Variants in UMAD1 observed in about 807,000 individuals in gnomAD.
UMAD1 encodes UBAP1-MVB12-associated (UMA) domain containing 1, also known as UBAP1-MVB12-associated (UMA)-domain containing protein 1.
In UMAD1, 8 loss-of-function variants were observed where a neutral mutation model predicts 6.1. The observed-to-expected ratio is 1.30, with a 90% CI of 0.76 to 2.35. The LOEUF is 2.35. Among genes scored for constraint, UMAD1 ranks in the 30% most tolerant of loss-of-function variants. The probability of loss-of-function intolerance (pLI) is 0.00; values close to 1 mark genes in which losing one functional copy is unlikely to be tolerated. For missense variants in UMAD1, 130 were observed against 78.4 expected (o/e 1.66, Z -2.49); for synonymous variants, 56 against 31.4 (o/e 1.78, Z -2.61).
At chr7:7,778,943 A>C (rs1446472689) in intron 2 of UMAD1, among the ~76,000 whole-genome samples, 1 of 152,206 alleles carries the variant, frequency 6.6e-6, no homozygotes, top group Non-Finnish European at 1.5e-5. Flanking sequence ...TAGGCTAAGC[A>C]TTTTATATGG....
At chr7:7,822,244 CTG>C (rs1270848837) in intron 3 of UMAD1, among the ~76,000 whole-genome samples, 1 of 151,920 alleles carries the variant, frequency 6.6e-6, no homozygotes, top group Admixed American at 6.6e-5. Context: ...TGAAGTCACA[CTG>C]TATGAAAAAG....
At chr7:7,647,387 G>A (rs761935641) in intron 1 of UMAD1, among the ~76,000 whole-genome samples, 1 of 152,060 alleles carries the variant, frequency 6.6e-6, no homozygotes, top group East Asian at 1.9e-4. Context: ...ATTATGTGAG[G>A]CTTGCTTTAA....
Position 7,877,666 on chromosome 7 carries a change from A to G in UMAD1, c.*128A>G, listed in dbSNP as rs1784449210. ...AGGATCATAAAGCAAAGAAAATAGC[A>G]TTATGTTCACTACTCTATTTTTAAG... On this transcript the variant is annotated 3_prime_UTR_variant, in exon 4 of 4. Transcript: ENST00000682710. The G allele has an allele frequency of 1.6e-6, 1 of 610,032 alleles. No homozygotes were observed. The highest frequency in any genetic ancestry group is 2.0e-5 in the South Asian group (1 of 51,128). 37.8% of individuals were successfully genotyped at this position (610,032 alleles called of 1,614,324 possible).
chr7:7,675,079 G>A (rs1779705285), intron 2 of UMAD1, among the ~76,000 whole-genome samples: 1 of 152,042 alleles, frequency 6.6e-6, no homozygotes, highest in African/African-American at 2.4e-5. Flanking sequence ...TGCCCAGGTT[G>A]GTCTTGAACT....
chr7:7,719,643 T>G (rs1781004821), intron 2 of UMAD1, among the ~76,000 whole-genome samples: 1 of 98,700 alleles, frequency 1.0e-5, no homozygotes, highest in African/African-American at 4.2e-5. Flanking sequence ...AAAGTAGTAG[T>G]TTTTTTTTTC....
At chr7:7,726,723 G>A (rs1781144625) in intron 2 of UMAD1, among the ~76,000 whole-genome samples, 1 of 152,168 alleles carries the variant, frequency 6.6e-6, no homozygotes, top group Admixed American at 6.5e-5. Flanking sequence ...TCCAGAGGGA[G>A]AAATGCTGCC....
intron 3 of UMAD1, among the ~76,000 whole-genome samples, chr7:7,858,689 G>A (rs1784063621): frequency 6.6e-6 from 1 of 152,162 alleles, no homozygotes; most frequent in African/African-American, 2.4e-5. Context: ...AAACCAGCCT[G>A]ACCCATGGAA....
intron 2 of UMAD1, among the ~76,000 whole-genome samples, chr7:7,746,979 G>C (rs562124285): frequency 8.8e-5 from 13 of 147,462 alleles, no homozygotes; most frequent in African/African-American, 3.2e-4. Flanking sequence ...GTGTGTGTGT[G>C]TGTGTGTGTC....
chr7:7,796,996 G>A (rs62434087), intron 2 of UMAD1, among the ~76,000 whole-genome samples: 9,060 of 152,210 alleles, frequency 0.06, 377 homozygotes, highest in Non-Finnish European at 0.086. Context: ...GTCTGTTTAT[G>A]TTGCTATAAA....
At position 7,862,689 on chromosome 7, in the gene UMAD1, A is replaced by C. The variant is rs536811394; in HGVS notation, c.157-14592A>C. Among the ~76,000 whole-genome samples, 4 of 152,322 alleles carry C rather than the reference A, an allele frequency of 2.6e-5. No homozygotes were observed. The East Asian group carries it at 7.7e-4, about 29-fold the overall frequency. The stretch of plus-strand genomic sequence containing the variant: ...AGCTTGGTAGATTTAACCTAGTAAT[A>C]AGATGCTTAGTTTAACTGTTAGTTT... On this transcript the variant is annotated intron_variant, in intron 3 of 3. Coordinates refer to ENST00000682710, the MANE Select transcript of UMAD1 (RefSeq NM_001302348.2).
At chr7:7,794,538 G>T (rs1745296731) in intron 2 of UMAD1, among the ~76,000 whole-genome samples, 1 of 152,054 alleles carries the variant, frequency 6.6e-6, no homozygotes, top group African/African-American at 2.4e-5. Context: ...AGAGATCTTG[G>T]TATACCCCCT....
At chr7:7,661,542 A>G (rs1785474222) in intron 1 of UMAD1, among the ~76,000 whole-genome samples, 1 of 152,020 alleles carries the variant, frequency 6.6e-6, no homozygotes, top group South Asian at 2.1e-4. Context: ...TCTGTTTGTT[A>G]GTTTTCCTTC....
chr7:7,831,450 C>A (rs1005500082), intron 3 of UMAD1, among the ~76,000 whole-genome samples: 2 of 152,186 alleles, frequency 1.3e-5, no homozygotes, highest in African/African-American at 4.8e-5. Flanking sequence ...TTTCTGGGTA[C>A]CTTTCAATGA....
intron 3 of UMAD1, among the ~76,000 whole-genome samples, chr7:7,851,419 A>G (rs1317934650): frequency 6.6e-6 from 1 of 152,192 alleles, no homozygotes; most frequent in Non-Finnish European, 1.5e-5. Flanking sequence ...TTTGATACAT[A>G]CCTAGGAGTA....
intron 2 of UMAD1, among the ~76,000 whole-genome samples, chr7:7,767,637 G>T (rs1050056324): frequency 1.3e-5 from 2 of 152,086 alleles, no homozygotes; most frequent in Non-Finnish European, 2.9e-5. Context: ...AACAATAACC[G>T]TTACCACTCA....
At chr7:7,813,990 A>AT (rs61611510) in intron 3 of UMAD1, among the ~76,000 whole-genome samples, 32,303 of 147,986 alleles carry the variant, frequency 0.22, 3,487 homozygotes, top group African/African-American at 0.26. Context: ...CTTTTTATTT[A>AT]TTTTTTTTTT....
At chr7:7,689,589 T>C (rs910228787) in intron 2 of UMAD1, 2 of 152,206 alleles carry the variant, frequency 1.3e-5, no homozygotes, top group African/African-American at 4.8e-5. Flanking sequence ...GATAATCTTT[T>C]CTTGGTAGAG....
intron 3 of UMAD1, among the ~76,000 whole-genome samples, chr7:7,863,601 C>T (rs984965328): frequency 1.3e-5 from 2 of 152,046 alleles, no homozygotes; most frequent in Non-Finnish European, 2.9e-5. Flanking sequence ...GGTTAATGTG[C>T]CTTTTTTATG....
intron 2 of UMAD1, among the ~76,000 whole-genome samples, chr7:7,708,585 T>TAG (rs1780667617): frequency 6.6e-6 from 1 of 152,170 alleles, no homozygotes; most frequent in Non-Finnish European, 1.5e-5. Flanking sequence ...CCTTTAAAAA[T>TAG]AAGTCAACAT....
Sources: allele counts gnomAD v4.1 joint callset (sites outside exome capture counted in the v4.1 genomes callset), GRCh38; gene constraint gnomAD v4.1.1; transcripts MANE v1.5; gene names NCBI Gene and HGNC (gene_info 2026-07-23, HGNC 2026-07-21).